The following SMAP1 variants were observed in gnomAD, a reference collection of about 807,000 sequenced individuals.
SMAP1 encodes the protein small ArfGAP 1.
Under a neutral mutation model 58.5 loss-of-function variants are expected in SMAP1, and 24 were observed. That is an observed-to-expected ratio of 0.41 (90% CI 0.30 to 0.58). The LOEUF (loss-of-function observed/expected upper bound fraction) is 0.58, where lower values mean the gene tolerates loss of function less well. Ranked by LOEUF, SMAP1 falls within the 20% of genes least tolerant of loss-of-function variation. The pLI, the probability that SMAP1 is intolerant of heterozygous loss-of-function variation, is 0.29. For missense variants in SMAP1, 563 were observed against 566.3 expected (o/e 0.99, Z 0.06); for synonymous variants, 216 against 196.6 (o/e 1.10, Z -0.82).
intron 6 of SMAP1, among the ~76,000 whole-genome samples, chr6:70,811,916 A>G (rs1277493617): frequency 6.6e-6 from 1 of 152,162 alleles, no homozygotes; most frequent in Non-Finnish European, 1.5e-5. Flanking sequence ...ATATACTATG[A>G]TTTTGATCTG....
intron 10 of SMAP1, chr6:70,859,144 TCA>T (rs1771580062): frequency 1.9e-6 from 1 of 513,416 alleles, no homozygotes; most frequent in Non-Finnish European, 3.5e-6. Flanking sequence ...TCACTATATA[TCA>T]CAGTTAATTT....
chr6:70,787,997 C>T (rs983296996), intron 4 of SMAP1, among the ~76,000 whole-genome samples: 1 of 151,976 alleles, frequency 6.6e-6, no homozygotes, highest in African/African-American at 2.4e-5. Context: ...AGACACGTGC[C>T]CACGTATGTT....
Position 70,858,011 on chromosome 6 carries a change from G to A in SMAP1, c.1051G>A (p.Ala351Thr), listed in dbSNP as rs751075007. The A allele has an allele frequency of 6.2e-7, 1 of 1,614,046 alleles. No individual in the cohort carries two copies. Among genetic ancestry groups the A allele is most frequent in the African/African-American group, 1.3e-5 (1 of 74,932 alleles). ...TCCATCGATGGGCGTGCCTGTGCCT[G>A]CAGCTCCTGGCCTTATAGGAAATGT... ...GFPSMGVPVP[A>T]APGLIGNVMG... The change falls in exon 10 of 11, where the codon GCA becomes ACA. Residue 351 changes from alanine to threonine, a missense_variant. Physicochemically the swap from Ala to Thr is moderately conservative, Grantham distance 58. Coordinates refer to ENST00000370455, the MANE Select transcript of SMAP1 (RefSeq NM_001044305.3).
chr6:70,746,463 A>G (rs1420380682), intron 2 of SMAP1, among the ~76,000 whole-genome samples: 4 of 151,932 alleles, frequency 2.6e-5, no homozygotes, highest in Non-Finnish European at 5.9e-5. Flanking sequence ...TGTTTGTGTG[A>G]TGGATTACGT....
At chr6:70,835,859 A>G (rs1235144668) in intron 6 of SMAP1, among the ~76,000 whole-genome samples, 3 of 152,172 alleles carry the variant, frequency 2.0e-5, no homozygotes, top group Non-Finnish European at 4.4e-5. Flanking sequence ...TTGATAATCC[A>G]GTAGGTGTAG....
Position 70,829,161 on chromosome 6 carries a change from A to T in SMAP1, c.577-7780A>T, listed in dbSNP as rs140846141. Among the ~76,000 whole-genome samples the T allele has an allele frequency of 9.8e-3, 1,495 of 152,040 alleles. 10 individuals carry two copies. The highest frequency in any genetic ancestry group is 0.015 in the Non-Finnish European group (1,049 of 67,966). On this transcript the variant is annotated intron_variant, in intron 6 of 10. Coordinates refer to ENST00000370455, the MANE Select transcript of SMAP1 (RefSeq NM_001044305.3). ...TGAACTTCAAAGAGTCATACTTTTC[A>T]TGTGGTCTTTATAGTGTACCTTGAG...
chr6:70,695,736 C>T (rs1323026223), intron 1 of SMAP1, among the ~76,000 whole-genome samples: 1 of 151,646 alleles, frequency 6.6e-6, no homozygotes, highest in Non-Finnish European at 1.5e-5. Context: ...ATATTGGCTT[C>T]CTTTTCTTTG....
chr6:70,844,136 C>A (rs976020704), intron 7 of SMAP1, among the ~76,000 whole-genome samples: 2 of 152,106 alleles, frequency 1.3e-5, no homozygotes, highest in African/African-American at 4.8e-5. Flanking sequence ...TAGTTTATCA[C>A]CATTTTAAAC....
chr6:70,846,389 G>T (rs937905360), intron 7 of SMAP1, among the ~76,000 whole-genome samples: 1 of 152,206 alleles, frequency 6.6e-6, no homozygotes, highest in African/African-American at 2.4e-5. Context: ...AAGCAGGTGG[G>T]ACTGGTCATG....
intron 3 of SMAP1, among the ~76,000 whole-genome samples, chr6:70,761,310 T>C (rs1252931133): frequency 1.3e-5 from 2 of 152,036 alleles, no homozygotes; most frequent in Non-Finnish European, 1.5e-5. Context: ...GATTCTGGGA[T>C]AGTTTGATAT....
intron 1 of SMAP1, among the ~76,000 whole-genome samples, chr6:70,716,449 C>T (rs1768273303): frequency 6.6e-6 from 1 of 152,226 alleles, no homozygotes; most frequent in Admixed American, 6.5e-5. Flanking sequence ...TTGCCCACCA[C>T]TCACCTCCTG....
At chr6:70,851,121 A>G (rs947869869) in intron 7 of SMAP1, among the ~76,000 whole-genome samples, 3 of 152,180 alleles carry the variant, frequency 2.0e-5, no homozygotes, top group African/African-American at 7.2e-5. Flanking sequence ...TGATAATGTG[A>G]TATCACTGAA....
chr6:70,852,933 T>C (rs980405015), intron 8 of SMAP1, among the ~76,000 whole-genome samples: 2 of 152,172 alleles, frequency 1.3e-5, no homozygotes, highest in African/African-American at 4.8e-5. Flanking sequence ...AGAGAATGTA[T>C]AGCCCACAAA....
chr6:70,836,311 T>G (rs1157907138), intron 6 of SMAP1, among the ~76,000 whole-genome samples: 1 of 152,150 alleles, frequency 6.6e-6, no homozygotes, highest in Non-Finnish European at 1.5e-5. Context: ...AGACAGCCTG[T>G]GTAGGGAAAC....
intron 1 of SMAP1, among the ~76,000 whole-genome samples, chr6:70,718,460 G>T (rs1324878411): frequency 6.6e-6 from 1 of 152,106 alleles, no homozygotes; most frequent in Non-Finnish European, 1.5e-5. Context: ...GAGAGGGAAG[G>T]GCTGAAAGGA....
In SMAP1 at chr6:70,667,910, C is replaced by T. The variant is rs1766091097; in HGVS notation, c.-114C>T. ...CCCGTTCCAGCTGCCGCTGCCGCTT[C>T]CTGGGCTGAGTCCGCCCGCGGTCCC... On this transcript the variant is annotated 5_prime_UTR_variant, in exon 1 of 11. Coordinates refer to ENST00000370455, the MANE Select transcript of SMAP1 (RefSeq NM_001044305.3). 1 of 853,634 alleles carries T rather than the reference C, an allele frequency of 1.2e-6. No homozygotes were observed. The highest frequency in any genetic ancestry group is 1.7e-6 in the Non-Finnish European group (1 of 575,066). 52.9% of individuals were successfully genotyped at this position (853,634 alleles called of 1,614,324 possible).
chr6:70,668,171 C>T, intron 1 of SMAP1, 30 bp downstream of exon 1: 1 of 1,571,598 alleles, frequency 6.4e-7, no homozygotes, highest in Non-Finnish European at 8.7e-7. Context: ...TGCCCACGGT[C>T]GGGGCCTCTT....
At chr6:70,817,711 G>A (rs191256040) in intron 6 of SMAP1, among the ~76,000 whole-genome samples, 2 of 152,132 alleles carry the variant, frequency 1.3e-5, no homozygotes, top group Non-Finnish European at 2.9e-5. Context: ...TTTAAAGAGG[G>A]GTCAAAAAAT....
Position 70,733,817 on chromosome 6 carries a change from A to C in SMAP1, c.252+1306A>C, listed in dbSNP as rs75859307. ...ATGGCTTATTTCAAACTAAGGATAA[A>C]ACACGAGATCCTTCAACAGTTCAGT... is the stretch of plus-strand genomic sequence containing the variant. On this transcript the variant is annotated intron_variant, in intron 2 of 10. Coordinates refer to ENST00000370455, the MANE Select transcript of SMAP1 (RefSeq NM_001044305.3). Among the ~76,000 whole-genome samples, 18 of 152,278 alleles carry C rather than the reference A, an allele frequency of 1.2e-4. No individual in the cohort carries two copies. In the East Asian group the frequency reaches 3.3e-3, roughly 28 times the overall value.
Sources: gnomAD v4.1 joint callset for allele counts (sites outside exome capture counted in the v4.1 genomes callset) on GRCh38, gnomAD v4.1.1 for gene constraint, MANE v1.5 for transcripts, NCBI Gene and HGNC (gene_info 2026-07-23, HGNC 2026-07-21) for gene names.